The following AAK1 variants were observed in gnomAD, a reference collection of about 807,000 sequenced individuals.
AAK1 encodes AP2-associated protein kinase 1.
AAK1 carries 37 observed loss-of-function variants against 116.0 expected under a neutral mutation model. That is an observed-to-expected ratio of 0.32 (90% CI 0.25 to 0.42). AAK1 has a LOEUF of 0.42. Ranked by LOEUF, AAK1 falls within the 10% of genes least tolerant of loss-of-function variation. The pLI, the probability that AAK1 is intolerant of heterozygous loss-of-function variation, is 1.00. For synonymous variants in AAK1, 458 were observed against 439.9 expected, an observed-to-expected ratio of 1.04 and a Z score of -0.51; for missense variants, 919 against 1,170.6, an observed-to-expected ratio of 0.79 and a Z score of 3.14.
chr2:69,633,556 G>A (rs535188843), intron 2 of AAK1, among the ~76,000 whole-genome samples: 1 of 148,636 alleles, frequency 6.7e-6, no homozygotes, highest in African/African-American at 2.5e-5. Flanking sequence ...AGCCAAGATC[G>A]CACCACTGTA....
At chr2:69,604,124 T>C (rs554836232) in intron 2 of AAK1, among the ~76,000 whole-genome samples, 1 of 152,328 alleles carries the variant, frequency 6.6e-6, no homozygotes, top group East Asian at 1.9e-4. Flanking sequence ...TCCAGTGTTA[T>C]TTTGACCAAC....
chr2:69,500,698 T>TAGACACACACACACAC, intron 16 of AAK1, among the ~76,000 whole-genome samples: 2 of 65,102 alleles, frequency 3.1e-5, no homozygotes, highest in African/African-American at 1.6e-4. Flanking sequence ...TATATATATA[T>TAGACACACACACACAC]ACACACACAC....
chr2:69,533,583 AAACCT>A (rs1670344747), intron 5 of AAK1, among the ~76,000 whole-genome samples: 1 of 152,154 alleles, frequency 6.6e-6, no homozygotes, highest in Admixed American at 6.5e-5. Context: ...TACTCCTACT[AAACCT>A]TGCTTATGGT....
chr2:69,468,374 TAAA>T lies in AAK1; in HGVS notation c.*7492_*7494del, dbSNP rs1397203930. 2 of 985,232 alleles carry T rather than the reference TAAA, an allele frequency of 2.0e-6. No homozygotes were observed. The highest frequency in any genetic ancestry group is 2.4e-6 in the Non-Finnish European group (2 of 829,904). 61.0% of individuals were successfully genotyped at this position (985,232 alleles called of 1,614,324 possible). On this transcript the variant is annotated 3_prime_UTR_variant, in exon 22 of 22. Coordinates refer to ENST00000409085, the MANE Select transcript of AAK1 (RefSeq NM_014911.5). ...TTCCAAAATAAGGTTTGCAGAGCCT[TAAA>T]GAAGGACAAGAGGGCCCTAAAACTC...
intron 2 of AAK1, among the ~76,000 whole-genome samples, chr2:69,615,835 T>C (rs1421752052): frequency 6.6e-6 from 1 of 152,258 alleles, no homozygotes; most frequent in Non-Finnish European, 1.5e-5. Flanking sequence ...TCATAATTTA[T>C]GCAGTGCTTT....
intron 2 of AAK1, among the ~76,000 whole-genome samples, chr2:69,633,327 G>A (rs1675291284): frequency 6.6e-6 from 1 of 151,978 alleles, no homozygotes; most frequent in Non-Finnish European, 1.5e-5. Context: ...GCAGTGCCAG[G>A]CACGGTGGCT....
chr2:69,550,008 G>C (rs1671108924), intron 3 of AAK1, among the ~76,000 whole-genome samples: 1 of 152,202 alleles, frequency 6.6e-6, no homozygotes, highest in Non-Finnish European at 1.5e-5. Flanking sequence ...AAGCCACAAT[G>C]CTTTCTTTTT....
At position 69,471,283 on chromosome 2, in the gene AAK1, T is replaced by C; in HGVS notation, c.*4586A>G. The C allele has an allele frequency of 1.0e-6, 1 of 985,440 alleles. No individual in the cohort carries two copies. Among genetic ancestry groups the C allele is most frequent in the Non-Finnish European group, 1.2e-6 (1 of 829,938 alleles). 61.0% of individuals were successfully genotyped at this position (985,440 alleles called of 1,614,324 possible). ...TAGCATTACCCAAGGAGCCTCCCTA[T>C]CCCGTATTAGTGAAAGGAAATCTGG... On this transcript the variant is annotated 3_prime_UTR_variant, in exon 22 of 22. Transcript: ENST00000409085.
chr2:69,604,433 C>G (rs1673709109), intron 2 of AAK1, among the ~76,000 whole-genome samples: 1 of 152,176 alleles, frequency 6.6e-6, no homozygotes, highest in Non-Finnish European at 1.5e-5. Flanking sequence ...TGCTTCTTCT[C>G]CTCTCCAACT....
At chr2:69,622,495 C>T (rs1368015498) in intron 2 of AAK1, among the ~76,000 whole-genome samples, 2 of 152,256 alleles carry the variant, frequency 1.3e-5, no homozygotes, top group African/African-American at 4.8e-5. Context: ...GTGAAGCCAG[C>T]TGGGCTCCCG....
rs1674521627 is a variant in AAK1, at chr2:69,467,323, T to C, written c.*8546A>G. 29 of 985,456 alleles carry C rather than the reference T, an allele frequency of 2.9e-5. No homozygotes were observed. Among genetic ancestry groups the C allele is most frequent in the Non-Finnish European group, 2.8e-5 (23 of 829,930 alleles). 61.0% of individuals were successfully genotyped at this position (985,456 alleles called of 1,614,324 possible). A position where few individuals can be genotyped will look rare whatever the true frequency, so the allele number is the denominator to read the frequency against. On this transcript the variant is annotated 3_prime_UTR_variant, in exon 22 of 22. Transcript: ENST00000409085. ...TTACAGAAGCATTAGCAAACTCCAA[T>C]ATACTAGTCTATTTCTATCTAGGTA... is the stretch of plus-strand genomic sequence containing the variant.
chr2:69,514,650 G>T lies in AAK1; in HGVS notation c.1597C>A (p.Gln533Lys). The change falls in exon 13 of 22, where the codon CAG becomes AAG. Residue 533 changes from glutamine (Q) to lysine (K), a missense_variant. Gln to Lys is a moderately conservative substitution (Grantham distance 53). Transcript: ENST00000409085. ...TGTTGTTGCTGCTGCTGCTGCTGCT[G>T]GTAGAAATTCTGCATTAGCTGCTGT... is the stretch of plus-strand genomic sequence containing the variant. Reference protein sequence around the residue: ...SQQQLMQNFYQQQQQQQQQQQ... With the variant: ...SQQQLMQNFYKQQQQQQQQQQ... 6.2e-7 allele frequency: 1 copy of T among 1,612,406 alleles called. No homozygotes were observed. Among genetic ancestry groups the T allele is most frequent in the Non-Finnish European group, 8.5e-7 (1 of 1,179,396 alleles).
chr2:69,524,667 A>G (rs1275580169), intron 10 of AAK1, among the ~76,000 whole-genome samples: 1 of 152,160 alleles, frequency 6.6e-6, no homozygotes, highest in East Asian at 1.9e-4. Context: ...TCCCGACCTC[A>G]GGTGATCTAC....
In AAK1 at chr2:69,465,200, C is replaced by G. The variant is rs1437752382; in HGVS notation, c.*10669G>C. 9.3e-6 allele frequency: 3 copies of G among 321,760 alleles called. No homozygotes were observed. The highest frequency in any genetic ancestry group is 1.8e-4 in the East Asian group (2 of 10,890). 19.9% of individuals were successfully genotyped at this position (321,760 alleles called of 1,614,324 possible). ...TGAAAATGCCTCCAAGTCCAGAAAT[C>G]AATATAAACAAACAAACAAACAAAC... On this transcript the variant is annotated 3_prime_UTR_variant, in exon 22 of 22. Coordinates refer to ENST00000409085, the MANE Select transcript of AAK1 (RefSeq NM_014911.5).
chr2:69,469,551 A>C lies in AAK1; in HGVS notation c.*6318T>G. The C allele has an allele frequency of 1.0e-6, 1 of 985,416 alleles. No individual in the cohort carries two copies. The highest frequency in any genetic ancestry group is 1.2e-6 in the Non-Finnish European group (1 of 829,928). 61.0% of individuals were successfully genotyped at this position (985,416 alleles called of 1,614,324 possible). A position where few individuals can be genotyped will look rare whatever the true frequency, so the allele number is the denominator to read the frequency against. On this transcript the variant is annotated 3_prime_UTR_variant, in exon 22 of 22. Coordinates refer to ENST00000409085, the MANE Select transcript of AAK1 (RefSeq NM_014911.5). ...TATACTAACCTAACCACATGCCTTG[A>C]CCCAGTTCCTTTGGTAACCAATGGC...
chr2:69,630,353 G>GGAGGGA (rs1438136337), intron 2 of AAK1, among the ~76,000 whole-genome samples: 1 of 131,268 alleles, frequency 7.6e-6, no homozygotes, highest in African/African-American at 2.8e-5. Flanking sequence ...GGGGGGAGGG[G>GGAGGGA]GAGGGAGAGG....
At chr2:69,619,858 C>A in intron 2 of AAK1, among the ~76,000 whole-genome samples, 1 of 152,078 alleles carries the variant, frequency 6.6e-6, no homozygotes, top group Non-Finnish European at 1.5e-5. Context: ...GGATAGAGAG[C>A]AATAACCAGA....
In AAK1 at chr2:69,510,230, T is replaced by C. The variant is rs555308887; in HGVS notation, c.1777-770A>G. Reference sequence around the variant, plus strand: ...CCACCTTCAAGGAGGCCCCAGCGTCTGTTGTTTCCCTCTTTGCGTCCATGA... The same window carrying C: ...CCACCTTCAAGGAGGCCCCAGCGTCCGTTGTTTCCCTCTTTGCGTCCATGA... On this transcript the variant is annotated intron_variant, in intron 13 of 21. Transcript: ENST00000409085. 9.8e-5 allele frequency among the ~76,000 whole-genome samples: 15 copies of C among 152,314 alleles called. No individual in the cohort carries two copies. In the South Asian group the frequency reaches 3.1e-3, roughly 32 times the overall value.
intron 19 of AAK1, among the ~76,000 whole-genome samples, chr2:69,480,608 AAT>A (rs2104893349): frequency 6.6e-6 from 1 of 152,278 alleles, no homozygotes; most frequent in South Asian, 2.1e-4. Context: ...TGAATAAAGA[AAT>A]ACTGTAACCA....
Sources: allele counts gnomAD v4.1 joint callset (sites outside exome capture counted in the v4.1 genomes callset), GRCh38; gene constraint gnomAD v4.1.1; transcripts MANE v1.5; gene names NCBI Gene and HGNC (gene_info 2026-07-23, HGNC 2026-07-21).